AP2A2: variants seen among roughly 807,000 people sequenced by gnomAD.
The protein encoded by AP2A2 is AP-2 complex subunit alpha-2.
AP2A2 carries 32 observed loss-of-function variants against 104.2 expected under a neutral mutation model. The observed-to-expected ratio is 0.31, with a 90% CI of 0.23 to 0.41. The LOEUF (loss-of-function observed/expected upper bound fraction) is 0.41. Among genes scored for constraint, AP2A2 ranks in the 10% least tolerant of loss-of-function variants. The pLI is 1.00. For missense variants in AP2A2, 912 were observed against 1,261.0 expected (o/e 0.72, Z 4.19); for synonymous variants, 539 against 533.3 (o/e 1.01, Z -0.15).
intron 1 of AP2A2, among the ~76,000 whole-genome samples, chr11:952,447 G>A (rs1362907341): frequency 6.6e-6 from 1 of 152,222 alleles, no homozygotes; most frequent in African/African-American, 2.4e-5. Flanking sequence ...CCCCTATAGA[G>A]TGTGTTCTTT....
chr11:951,209 A>G (rs929133048), intron 1 of AP2A2, among the ~76,000 whole-genome samples: 3 of 152,210 alleles, frequency 2.0e-5, no homozygotes, highest in Non-Finnish European at 4.4e-5. Context: ...ACAATGAGAT[A>G]CTGCATCACA....
chr11:994,090 A>G lies in AP2A2; in HGVS notation c.1801A>G (p.Met601Val). 1 of 1,612,934 alleles carries G rather than the reference A, an allele frequency of 6.2e-7. No individual in the cohort carries two copies. The highest frequency in any genetic ancestry group is 8.5e-7 in the Non-Finnish European group (1 of 1,179,804). Reference protein sequence around the residue: ...TDILATVLEEMPPFPERESSI... With the variant: ...TDILATVLEEVPPFPERESSI... ...TTCCAAGGCGACCGTGCTGGAGGAG[A>G]TGCCCCCATTCCCGGAGCGGGAGTC... Residue 601 changes from methionine (M) to valine (V), a missense_variant, in exon 14 of 22, where the codon ATG becomes GTG. Around this residue, in one of 7 missense-constraint regions of AP2A2, gnomAD observed 137 missense variants for 186.9 expected, o/e 0.73. Transcript: ENST00000448903.
chr11:930,120 C>CAAA (rs1157025547), intron 1 of AP2A2, among the ~76,000 whole-genome samples: 20 of 51,884 alleles, frequency 3.9e-4, no homozygotes, highest in East Asian at 6.3e-4. Flanking sequence ...GACTCTGTCT[C>CAAA]AAAAAAAAAA....
At chr11:997,963 C>G (rs958980354) in intron 14 of AP2A2, among the ~76,000 whole-genome samples, 3 of 152,140 alleles carry the variant, frequency 2.0e-5, no homozygotes, top group Admixed American at 6.5e-5. Context: ...GTGCAGGAAC[C>G]AGGGTAACAT....
chr11:992,724 G>A lies in AP2A2; in HGVS notation c.1452+39G>A. ...GATGGCAGGAAGGATGGGGTGGAGGGCAGTTGCAGAAGGTGAGCAGTGAGT... is the reference window on the plus strand; with the variant it reads ...GATGGCAGGAAGGATGGGGTGGAGGACAGTTGCAGAAGGTGAGCAGTGAGT... On this transcript the variant is annotated intron_variant, in intron 11 of 21. Coordinates refer to ENST00000448903, the MANE Select transcript of AP2A2 (RefSeq NM_012305.4). This position sits in a 1 kb window ranked among gnomAD's most constrained non-coding sequence, Gnocchi z 6.4. 1.2e-6 allele frequency: 2 copies of A among 1,611,004 alleles called. No homozygotes were observed. Among genetic ancestry groups the A allele is most frequent in the Non-Finnish European group, 8.5e-7 (1 of 1,178,116 alleles).
At chr11:985,772 C>T (rs1000666715) in intron 8 of AP2A2, among the ~76,000 whole-genome samples, 190 bp downstream of exon 8, 5 of 152,176 alleles carry the variant, frequency 3.3e-5, no homozygotes, top group African/African-American at 9.7e-5. Context: ...CTGAGCTCAC[C>T]GTGGATTGCT....
intron 3 of AP2A2, 24 bp from the exon 4 acceptor site, chr11:972,038 C>T (rs371577053): frequency 6.3e-7 from 1 of 1,598,664 alleles, no homozygotes; most frequent in Non-Finnish European, 8.5e-7. Context: ...TGAGCTTTCT[C>T]TTCTCCTGTC....
At chr11:936,878 C>G (rs887992833) in intron 1 of AP2A2, among the ~76,000 whole-genome samples, 1 of 152,162 alleles carries the variant, frequency 6.6e-6, no homozygotes, top group African/African-American at 2.4e-5. Context: ...GAGGCAGTGT[C>G]TTCTCTGAAT....
chr11:938,475 A>G (rs1017414173), intron 1 of AP2A2, among the ~76,000 whole-genome samples: 4 of 146,714 alleles, frequency 2.7e-5, no homozygotes, highest in African/African-American at 1.0e-4. Context: ...AAATGTTTGT[A>G]TGTTTTTTTT....
In AP2A2 at chr11:983,550, T is replaced by G. The variant is rs1395313336; in HGVS notation, c.706-1095T>G. On this transcript the variant is annotated intron_variant, in intron 6 of 21. Transcript: ENST00000448903. Reference sequence around the variant, plus strand: ...GGCGCCCGCCACCATGCCTGGCTAATTTTTTGTATTTTTTAGTAGAGATGG... The same window carrying G: ...GGCGCCCGCCACCATGCCTGGCTAAGTTTTTGTATTTTTTAGTAGAGATGG... 2.0e-5 allele frequency among the ~76,000 whole-genome samples: 3 copies of G among 149,462 alleles called. No individual in the cohort carries two copies. In the East Asian group the frequency reaches 5.8e-4, roughly 29 times the overall value.
chr11:970,482 A>G (rs1481671253), intron 3 of AP2A2, among the ~76,000 whole-genome samples, 171 bp downstream of exon 3: 1 of 152,208 alleles, frequency 6.6e-6, no homozygotes, highest in East Asian at 1.9e-4. Flanking sequence ...CCTGCTGCCA[A>G]CACCCTGCGG....
intron 8 of AP2A2, among the ~76,000 whole-genome samples, chr11:985,941 TTGG>T (rs1428994739): frequency 4.6e-5 from 7 of 152,344 alleles, no homozygotes; most frequent in Admixed American, 4.6e-4. Flanking sequence ...GGAGCCGCAC[TTGG>T]TGGGTCCAGG....
intron 1 of AP2A2, among the ~76,000 whole-genome samples, chr11:934,806 C>T (rs1041451276): frequency 2.0e-5 from 3 of 151,840 alleles, no homozygotes; most frequent in Non-Finnish European, 4.4e-5. Flanking sequence ...TTCTGTGGAC[C>T]GCCTTTGTGT....
At chr11:999,787 A>C (rs1436091580) in intron 14 of AP2A2, among the ~76,000 whole-genome samples, 1 of 149,380 alleles carries the variant, frequency 6.7e-6, no homozygotes, top group Non-Finnish European at 1.5e-5. Context: ...AGTAACATGC[A>C]TGATCTTAGT....
In AP2A2 at chr11:1,000,669, G is replaced by A. The variant is rs1346203800; in HGVS notation, c.2123+71G>A. 6.8e-6 allele frequency: 10 copies of A among 1,461,948 alleles called. No homozygotes were observed. In the East Asian group the frequency reaches 7.4e-5, roughly 11 times the overall value. 90.6% of individuals were successfully genotyped at this position (1,461,948 alleles called of 1,614,324 possible). ...GCCCCCTGACTTCTGGTGTGGCCGC[G>A]GCCAGCTGGACAGAGGTGGGCAGCG... On this transcript the variant is annotated intron_variant, in intron 15 of 21. Transcript: ENST00000448903.
chr11:1,000,536 G>T lies in AP2A2; in HGVS notation c.2061G>T (p.Val687=), dbSNP rs1338378149. 4 of 1,547,848 alleles carry T rather than the reference G, an allele frequency of 2.6e-6. No homozygotes were observed. The African/African-American group carries it at 5.4e-5, about 21-fold the overall frequency. The change falls in exon 15 of 22, where the codon GTG becomes GTT. Residue 687 remains valine, a synonymous_variant. Coordinates refer to ENST00000448903, the MANE Select transcript of AP2A2 (RefSeq NM_012305.4). ...SSGGSGLLVD[V]FSDSASVVAP... ...GCGGCAGCGGGCTGCTCGTGGACGT[G>T]TTCTCAGACTCGGCCTCTGTGGTCG...
At chr11:997,129 C>A (rs1855882148) in intron 14 of AP2A2, among the ~76,000 whole-genome samples, 1 of 152,186 alleles carries the variant, frequency 6.6e-6, no homozygotes, top group African/African-American at 2.4e-5. Context: ...TGTGCCTTTC[C>A]CACGAGAGAC....
chr11:938,173 C>T (rs946809216), intron 1 of AP2A2, among the ~76,000 whole-genome samples: 9 of 152,200 alleles, frequency 5.9e-5, no homozygotes, highest in African/African-American at 1.2e-4. Flanking sequence ...TCACCTGGGT[C>T]GCCTGTGTGC....
intron 9 of AP2A2, 77 bp downstream of exon 9, chr11:987,030 C>A (rs1855485142): frequency 2.0e-6 from 3 of 1,474,332 alleles, no homozygotes; most frequent in Non-Finnish European, 2.7e-6. Context: ...TGGGGGTACG[C>A]AGTGCCTCCT....
Sources: allele counts gnomAD v4.1 joint callset (sites outside exome capture counted in the v4.1 genomes callset), GRCh38; gene constraint gnomAD v4.1.1; regional missense constraint gnomAD v4.1.1; non-coding constraint Gnocchi (gnomAD v3.1); transcripts MANE v1.5; gene names NCBI Gene and HGNC (gene_info 2026-07-23, HGNC 2026-07-21).